Variants in GALNTL6 observed in about 807,000 individuals in gnomAD.
The protein encoded by GALNTL6 is polypeptide N-acetylgalactosaminyltransferase like 6.
A neutral mutation model predicts 73.7 loss-of-function variants in GALNTL6; 46 were observed. The ratio of observed to expected loss-of-function variants is 0.62; its 90% confidence interval spans 0.49 to 0.80. The LOEUF (loss-of-function observed/expected upper bound fraction) is 0.80, where lower values mean the gene tolerates loss of function less well. GALNTL6 is among the 30% of genes least tolerant of loss of function. The probability of loss-of-function intolerance (pLI) is 0.00; values close to 1 mark genes in which losing one functional copy is unlikely to be tolerated. For synonymous variants in GALNTL6, 259 were observed against 263.7 expected (o/e 0.98, Z 0.17); for missense variants, 604 against 755.0 (o/e 0.80, Z 2.34).
intron 7 of GALNTL6, among the ~76,000 whole-genome samples, chr4:172,838,297 G>A (rs1743019146): frequency 6.6e-6 from 1 of 152,192 alleles, no homozygotes; most frequent in Non-Finnish European, 1.5e-5. Flanking sequence ...ACTATTCACT[G>A]TAGCAGCAGC....
At chr4:172,247,670 C>T (rs1213895621) in intron 3 of GALNTL6, among the ~76,000 whole-genome samples, 1 of 152,136 alleles carries the variant, frequency 6.6e-6, no homozygotes, top group Non-Finnish European at 1.5e-5. Flanking sequence ...TGCCTTTAGG[C>T]TGGTTCATTA....
intron 2 of GALNTL6, among the ~76,000 whole-genome samples, chr4:172,134,154 C>T (rs774385119): frequency 2.0e-5 from 3 of 152,040 alleles, no homozygotes; most frequent in South Asian, 2.1e-4. Context: ...GAGGCCGAGG[C>T]GGGCAGATCA....
At chr4:172,749,712 A>G (rs1160258610) in intron 5 of GALNTL6, among the ~76,000 whole-genome samples, 1 of 151,742 alleles carries the variant, frequency 6.6e-6, no homozygotes, top group Non-Finnish European at 1.5e-5. Flanking sequence ...CTAATTCCCA[A>G]TTTCATACTT....
intron 10 of GALNTL6, among the ~76,000 whole-genome samples, chr4:172,963,099 C>G (rs1750159462): frequency 6.6e-6 from 1 of 152,136 alleles, no homozygotes; most frequent in Non-Finnish European, 1.5e-5. Flanking sequence ...TCCTCACCCC[C>G]TGGCTTCCTC....
At chr4:172,912,570 C>A (rs546085041) in intron 8 of GALNTL6, among the ~76,000 whole-genome samples, 28 of 152,344 alleles carry the variant, frequency 1.8e-4, no homozygotes, top group African/African-American at 6.7e-4. Context: ...AGATTATATC[C>A]CATGCTTGGC....
At chr4:172,779,095 T>G (rs1257565194) in intron 5 of GALNTL6, among the ~76,000 whole-genome samples, 1 of 152,198 alleles carries the variant, frequency 6.6e-6, no homozygotes, top group East Asian at 1.9e-4. Flanking sequence ...GTTTTTGTTT[T>G]GTTCACTGCT....
intron 2 of GALNTL6, among the ~76,000 whole-genome samples, chr4:172,158,253 C>T (rs914440321): frequency 1.3e-5 from 2 of 151,964 alleles, no homozygotes; most frequent in Non-Finnish European, 2.9e-5. Context: ...AGCACTTCCC[C>T]TCAATTTATG....
chr4:172,371,480 G>A (rs1742806998), intron 5 of GALNTL6, among the ~76,000 whole-genome samples: 1 of 152,202 alleles, frequency 6.6e-6, no homozygotes, highest in Non-Finnish European at 1.5e-5. Flanking sequence ...ATTTACCCTG[G>A]CTTTTAAAGG....
At chr4:171,935,105 A>G (rs1442294551) in intron 2 of GALNTL6, among the ~76,000 whole-genome samples, 1 of 152,098 alleles carries the variant, frequency 6.6e-6, no homozygotes, top group African/African-American at 2.4e-5. Context: ...AGTAGTAAGT[A>G]CCCTAAGTTG....
At chr4:172,951,654 T>A (rs1749449620) in intron 9 of GALNTL6, among the ~76,000 whole-genome samples, 1 of 152,260 alleles carries the variant, frequency 6.6e-6, no homozygotes. Flanking sequence ...TTTAAGCAAT[T>A]TAATGCCTGA....
intron 4 of GALNTL6, among the ~76,000 whole-genome samples, chr4:172,341,609 T>C (rs1268614737): frequency 1.3e-5 from 2 of 152,114 alleles, no homozygotes; most frequent in Non-Finnish European, 1.5e-5. Context: ...GGTGGGTCTT[T>C]CTTGTGCTGT....
chr4:172,510,257 A>G (rs1456282884), intron 5 of GALNTL6, among the ~76,000 whole-genome samples: 2 of 55,144 alleles, frequency 3.6e-5, no homozygotes, highest in African/African-American at 9.0e-5. Flanking sequence ...TACTGTTGGT[A>G]TATAACAGTA....
At chr4:172,053,052 G>A (rs940136990) in intron 2 of GALNTL6, among the ~76,000 whole-genome samples, 3 of 152,148 alleles carry the variant, frequency 2.0e-5, no homozygotes, top group African/African-American at 7.2e-5. Context: ...GACTTATGCA[G>A]TGACATGTAA....
intron 2 of GALNTL6, among the ~76,000 whole-genome samples, chr4:172,167,038 C>T (rs770590836): frequency 2.0e-5 from 3 of 152,132 alleles, no homozygotes; most frequent in Admixed American, 6.5e-5. Context: ...TATTCTATCT[C>T]GTTGTACCTC....
intron 2 of GALNTL6, among the ~76,000 whole-genome samples, chr4:172,011,356 A>C (rs148075204): frequency 1.3e-5 from 2 of 152,224 alleles, no homozygotes; most frequent in African/African-American, 4.8e-5. Context: ...AAGGCTTAGT[A>C]ATAGAAAACA....
intron 2 of GALNTL6, among the ~76,000 whole-genome samples, chr4:172,096,637 T>C (rs1282458986): frequency 6.6e-6 from 1 of 152,192 alleles, no homozygotes. Context: ...GATCCACAAA[T>C]AATTAATTTT....
chr4:172,173,242 C>T (rs574309648), intron 2 of GALNTL6, among the ~76,000 whole-genome samples: 21 of 152,190 alleles, frequency 1.4e-4, no homozygotes, highest in Non-Finnish European at 1.0e-4. Flanking sequence ...AGAGTCCTCC[C>T]GGGAAGAACT....
At chr4:171,908,928 G>A (rs1737385573) in intron 2 of GALNTL6, among the ~76,000 whole-genome samples, 1 of 145,622 alleles carries the variant, frequency 6.9e-6, no homozygotes, top group South Asian at 2.2e-4. Flanking sequence ...CTCACTCATA[G>A]GTGGGAATTG....
chr4:172,539,967 T>C (rs998668117), intron 5 of GALNTL6, among the ~76,000 whole-genome samples: 1 of 148,302 alleles, frequency 6.7e-6, no homozygotes, highest in African/African-American at 2.5e-5. Context: ...GTCCCCATTA[T>C]AGACATGAAT....
Sources: allele counts gnomAD v4.1 joint callset (sites outside exome capture counted in the v4.1 genomes callset), GRCh38; gene constraint gnomAD v4.1.1; transcripts MANE v1.5; gene names NCBI Gene and HGNC (gene_info 2026-07-23, HGNC 2026-07-21).